Variants in PAXBP1 observed in about 807,000 individuals in gnomAD.
PAXBP1 encodes PAX3 and PAX7 binding protein 1, also known as PAX3- and PAX7-binding protein 1.
Under a neutral mutation model 119.9 loss-of-function variants are expected in PAXBP1, and 44 were observed. The observed-to-expected ratio is 0.37, with a 90% CI of 0.29 to 0.47. The LOEUF is 0.47. Among genes scored for constraint, PAXBP1 ranks in the 20% least tolerant of loss-of-function variants. PAXBP1 has a pLI of 0.99. For synonymous variants in PAXBP1, 393 were observed against 406.6 expected (o/e 0.97, Z 0.40); for missense variants, 898 against 1,134.1 (o/e 0.79, Z 2.99).
At position 32,762,165 on chromosome 21, in the gene PAXBP1, C is replaced by T. The variant is rs776709672; in HGVS notation, c.802G>A (p.Asp268Asn). 9.3e-6 allele frequency: 15 copies of T among 1,614,206 alleles called. No individual in the cohort carries two copies. Among genetic ancestry groups the T allele is most frequent in the South Asian group, 2.2e-5 (2 of 91,088 alleles). Residue 268 changes from aspartate (D) to asparagine (N), a missense_variant, in exon 4 of 18, where the codon GAT becomes AAT. By Grantham distance (23) the Asp-to-Asn change is conservative. Transcript: ENST00000331923. ...GAAAAAACTATCCGGCGTTTCTCAT[C>T]GTCATCTTCATCATCACTGGCATCA... ...ENDASDDEDD[D>N]EKRRIVFSVK...
intron 2 of PAXBP1, among the ~76,000 whole-genome samples, chr21:32,769,248 G>A (rs1483408265): frequency 2.6e-5 from 4 of 151,890 alleles, no homozygotes; most frequent in African/African-American, 7.3e-5. Context: ...CAAAATAACC[G>A]CTTAAAATTT....
chr21:32,739,635 G>A (rs9977088), intron 15 of PAXBP1, among the ~76,000 whole-genome samples: 86 of 152,098 alleles, frequency 5.7e-4, no homozygotes, highest in Non-Finnish European at 9.6e-4. Context: ...GGCCGGGCGC[G>A]GTGGCTCACA....
chr21:32,736,710 G>T (rs1418625150), intron 17 of PAXBP1, among the ~76,000 whole-genome samples: 1 of 152,092 alleles, frequency 6.6e-6, no homozygotes, highest in African/African-American at 2.4e-5. Flanking sequence ...GCCCTACTTA[G>T]TGTTATTATT....
At chr21:32,767,412 A>G (rs1314134003) in intron 2 of PAXBP1, among the ~76,000 whole-genome samples, 1 of 152,248 alleles carries the variant, frequency 6.6e-6, no homozygotes, top group Non-Finnish European at 1.5e-5. Context: ...TGAGGATAGA[A>G]GGATGGAAGA....
At chr21:32,760,560 A>G (rs1601604335) in intron 5 of PAXBP1, among the ~76,000 whole-genome samples, 1 of 152,174 alleles carries the variant, frequency 6.6e-6, no homozygotes, top group South Asian at 2.1e-4. Flanking sequence ...CTTCTTCAAA[A>G]TAATTCTTAA....
chr21:32,736,120 CA>C (rs1423011480), intron 17 of PAXBP1, among the ~76,000 whole-genome samples: 1 of 152,054 alleles, frequency 6.6e-6, no homozygotes, highest in African/African-American at 2.4e-5. Flanking sequence ...CAACAAATAA[CA>C]AAATGGCACA....
intron 15 of PAXBP1, among the ~76,000 whole-genome samples, chr21:32,740,669 T>G (rs2043767300): frequency 6.6e-6 from 1 of 152,182 alleles, no homozygotes; most frequent in South Asian, 2.1e-4. Context: ...GGAGAAAACC[T>G]TTGTGGCTTC....
intron 1 of PAXBP1, among the ~76,000 whole-genome samples, chr21:32,771,118 G>C (rs530118541): frequency 5.9e-5 from 9 of 152,382 alleles, no homozygotes; most frequent in African/African-American, 2.2e-4. Flanking sequence ...GGCAGAGGAG[G>C]TGGTTAAGAA....
In PAXBP1 at chr21:32,759,860, T is replaced by A; in HGVS notation, c.1110A>T (p.Thr370=). 1 of 1,614,108 alleles carries A rather than the reference T, an allele frequency of 6.2e-7. No homozygotes were observed. Among genetic ancestry groups the A allele is most frequent in the Non-Finnish European group, 8.5e-7 (1 of 1,179,918 alleles). The stretch of plus-strand genomic sequence containing the variant: ...GAGTTTTGAAAGGGACTGTATTATC[T>A]GTTTTTTGAGATTTGGCATCTGATG... The part of the protein sequence containing the change: ...YGSSDAKSQK[T]DNTVPFKTPS... Residue 370 remains threonine (T), a synonymous_variant, in exon 6 of 18, where the codon ACA becomes ACT. Coordinates refer to ENST00000331923, the MANE Select transcript of PAXBP1 (RefSeq NM_016631.4).
chr21:32,757,806 G>C (rs955488690), intron 7 of PAXBP1, among the ~76,000 whole-genome samples: 3 of 152,226 alleles, frequency 2.0e-5, no homozygotes, highest in Non-Finnish European at 4.4e-5. Context: ...TGCCCACTGG[G>C]CTCAGAAGAG....
At chr21:32,764,957 A>G (rs892017357) in intron 2 of PAXBP1, among the ~76,000 whole-genome samples, 2 of 152,254 alleles carry the variant, frequency 1.3e-5, no homozygotes, top group South Asian at 4.1e-4. Flanking sequence ...CAACTCTGTT[A>G]TGAACAAAGC....
At chr21:32,769,688 T>A (rs952149960) in intron 2 of PAXBP1, 126 bp downstream of exon 2, 32 of 837,496 alleles carry the variant, frequency 3.8e-5, no homozygotes, top group South Asian at 3.5e-4. Flanking sequence ...ACTGTACTGC[T>A]ACTCAATAAG....
chr21:32,761,042 T>C lies in PAXBP1; in HGVS notation c.975+17A>G. On this transcript the variant is annotated intron_variant, in intron 5 of 17. Transcript: ENST00000331923. ...TTTAATCTACTTTTAATTTTTAGTT[T>C]AATTCTTTTGTCGTACCTGAGGGAT... is the stretch of plus-strand genomic sequence containing the variant. 1 of 1,576,606 alleles carries C rather than the reference T, an allele frequency of 6.3e-7. No homozygotes were observed. The highest frequency in any genetic ancestry group is 8.6e-7 in the Non-Finnish European group (1 of 1,164,012).
intron 11 of PAXBP1, 139 bp from the exon 12 acceptor site, chr21:32,745,857 C>A: frequency 9.9e-7 from 1 of 1,014,650 alleles, no homozygotes; most frequent in Non-Finnish European, 1.4e-6. Context: ...TATCATGCTA[C>A]CAGACTTCAA....
In PAXBP1 at chr21:32,769,930, ACTT is replaced by A. The variant is rs776914891; in HGVS notation, c.353_355del (p.Glu118del). The A allele has an allele frequency of 3.5e-5, 54 of 1,536,806 alleles. No homozygotes were observed. The highest frequency in any genetic ancestry group is 2.0e-4 in the Middle Eastern group (1 of 4,964). On this transcript the variant is annotated inframe_deletion, in exon 2 of 18. Coordinates refer to ENST00000331923, the MANE Select transcript of PAXBP1 (RefSeq NM_016631.4). Reference sequence around the variant, plus strand: ...ATAACTTGATTTCTTCACTTTGAAAACTTCTTCATTTTCTTAAAAAGGAAATTA... The same window carrying A: ...ATAACTTGATTTCTTCACTTTGAAAACTTCATTTTCTTAAAAAGGAAATTA...
At chr21:32,763,420 G>A (rs2044183478) in intron 3 of PAXBP1, among the ~76,000 whole-genome samples, 1 of 152,158 alleles carries the variant, frequency 6.6e-6, no homozygotes, top group Non-Finnish European at 1.5e-5. Context: ...AGAACATTTT[G>A]AAATCTATTG....
intron 2 of PAXBP1, among the ~76,000 whole-genome samples, chr21:32,766,899 A>C (rs2044250831): frequency 1.3e-5 from 2 of 152,264 alleles, no homozygotes; most frequent in African/African-American, 4.8e-5. Flanking sequence ...TTCTTGTACT[A>C]GTTCACACAA....
intron 4 of PAXBP1, 70 bp downstream of exon 4, chr21:32,762,026 T>A (rs902009619): frequency 1.3e-6 from 2 of 1,520,662 alleles, no homozygotes; most frequent in African/African-American, 2.7e-5. Flanking sequence ...AGTGATGGAA[T>A]GACACCCTGC....
At chr21:32,763,385 A>G (rs2044182743) in intron 3 of PAXBP1, among the ~76,000 whole-genome samples, 1 of 152,230 alleles carries the variant, frequency 6.6e-6, no homozygotes, top group Non-Finnish European at 1.5e-5. Context: ...AAATCTCTAG[A>G]TATGAAATTA....
Sources: allele counts gnomAD v4.1 joint callset (sites outside exome capture counted in the v4.1 genomes callset), GRCh38; gene constraint gnomAD v4.1.1; transcripts MANE v1.5; gene names NCBI Gene and HGNC (gene_info 2026-07-23, HGNC 2026-07-21).